The following GALNS variants were observed in gnomAD, a reference collection of about 807,000 sequenced individuals.
GALNS encodes the protein N-acetylgalactosamine-6-sulfatase.
GALNS carries 65 observed loss-of-function variants against 65.9 expected under a neutral mutation model. The ratio of observed to expected loss-of-function variants is 0.99; its 90% confidence interval spans 0.81 to 1.21. The LOEUF (loss-of-function observed/expected upper bound fraction) is 1.21. Ranked by LOEUF, GALNS falls within the 50% of genes most tolerant of loss-of-function variation. GALNS has a pLI of 0.00. For missense variants in GALNS, 776 were observed against 700.7 expected (o/e 1.11, Z -1.21); for synonymous variants, 346 against 288.9 (o/e 1.20, Z -2.00).
In GALNS at chr16:88,817,128, C is replaced by T. The variant is rs532962873; in HGVS notation, c.1482+879G>A. On this transcript the variant is annotated intron_variant, in intron 13 of 13. Transcript: ENST00000268695. ...AGCTGTGCTGGGAAACAGGCCTTTGCGGCCACTGCACACGCGGGATGGCTG... is the reference window on the plus strand; with the variant it reads ...AGCTGTGCTGGGAAACAGGCCTTTGTGGCCACTGCACACGCGGGATGGCTG... 6.7e-5 allele frequency: 66 copies of T among 985,472 alleles called. No individual in the cohort carries two copies. In the African/African-American group the frequency reaches 1.1e-3, roughly 16 times the overall value. The allele number at this position is 985,472 out of a possible 1,614,324, so 61.0% of individuals were successfully genotyped here.
chr16:88,835,887 G>A (rs754816509), intron 6 of GALNS, 38 bp from the exon 7 acceptor site: 1 of 1,613,100 alleles, frequency 6.2e-7, no homozygotes, highest in Admixed American at 1.7e-5. Context: ...CCAGCCTCAG[G>A]CCGACCTCCT....
chr16:88,849,327 C>T (rs1259430207), intron 1 of GALNS, among the ~76,000 whole-genome samples: 1 of 152,116 alleles, frequency 6.6e-6, no homozygotes, highest in East Asian at 1.9e-4. Flanking sequence ...CTCTGTCACC[C>T]AGGTTGGAGT....
Position 88,856,911 on chromosome 16 carries a change from G to A in GALNS, c.-34C>T, listed in dbSNP as rs1362484063. On this transcript the variant is annotated 5_prime_UTR_variant, in exon 1 of 14. Transcript: ENST00000268695. ...CGGGAGCCGCGGAGCCCCGGCCAGCGAGCCGACCTAGCGAGCGTCCGCCGG... is the reference window on the plus strand; with the variant it reads ...CGGGAGCCGCGGAGCCCCGGCCAGCAAGCCGACCTAGCGAGCGTCCGCCGG... The A allele has an allele frequency of 6.7e-7, 1 of 1,496,658 alleles. No homozygotes were observed. Among genetic ancestry groups the A allele is most frequent in the Non-Finnish European group, 8.8e-7 (1 of 1,131,414 alleles). The allele number at this position is 1,496,658 out of a possible 1,614,324, so 92.7% of individuals were successfully genotyped here. A position where few individuals can be genotyped will look rare whatever the true frequency, so the allele number is the denominator to read the frequency against.
rs920945705 is a variant in GALNS at position 88,815,892 on chromosome 16, C to T, written c.1483-1367G>A. On this transcript the variant is annotated intron_variant, in intron 13 of 13. Transcript: ENST00000268695. ...TCTGCATTTCTCAAAGGCCGCTCAG[C>T]TGTCCCAGAAGCAGGGGTCCAGGTG... The T allele has an allele frequency of 4.1e-6, 4 of 985,288 alleles. No individual in the cohort carries two copies. The African/African-American group carries it at 7.0e-5, about 17-fold the overall frequency. The allele number at this position is 985,288 out of a possible 1,614,324, so 61.0% of individuals were successfully genotyped here. A position where few individuals can be genotyped will look rare whatever the true frequency, so the allele number is the denominator to read the frequency against.
At chr16:88,817,427 A>T (rs1291000717) in intron 13 of GALNS, 2 of 985,278 alleles carry the variant, frequency 2.0e-6, no homozygotes, top group Non-Finnish European at 2.4e-6. Context: ...CCTATGAGTG[A>T]GATCAGGTCT....
At chr16:88,856,289 G>A in intron 1 of GALNS, 1 of 702,994 alleles carries the variant, frequency 1.4e-6, no homozygotes. Flanking sequence ...GCCCGAGGTG[G>A]CGGGAGTGAT....
chr16:88,849,102 T>A (rs1367724297), intron 1 of GALNS, among the ~76,000 whole-genome samples: 1 of 152,146 alleles, frequency 6.6e-6, no homozygotes, highest in Non-Finnish European at 1.5e-5. Context: ...CCTTTTAGCT[T>A]TGGATCCCTT....
rs80349178 is a variant in GALNS at position 88,854,366 on chromosome 16, G to A, written c.120+2392C>T. Among the ~76,000 whole-genome samples, 1,174 of 152,340 alleles carry A rather than the reference G, an allele frequency of 7.7e-3. 5 individuals are homozygous for A. The highest frequency in any genetic ancestry group is 0.012 in the East Asian group (64 of 5,190). On this transcript the variant is annotated intron_variant, in intron 1 of 13. Transcript: ENST00000268695. ...CTGTGAGGACCCCCTTGCACCCTGG[G>A]CCACGTCAGGGCACCTCGGGGCTCC...
intron 1 of GALNS, chr16:88,843,583 C>G (rs553525204): frequency 9.1e-6 from 2 of 218,588 alleles, no homozygotes; most frequent in African/African-American, 4.5e-5. Context: ...CTTAGAGACG[C>G]AGACATGCAG....
At chr16:88,816,643 T>C (rs541607091) in intron 13 of GALNS, 2 of 984,588 alleles carry the variant, frequency 2.0e-6, no homozygotes, top group East Asian at 2.3e-4. Flanking sequence ...TGCTGGTAGG[T>C]GCTCCCGATG....
intron 9 of GALNS, among the ~76,000 whole-genome samples, chr16:88,830,126 G>A (rs111631576): frequency 0.044 from 6,610 of 151,768 alleles, 506 homozygotes; most frequent in African/African-American, 0.15. Context: ...AGCTACTCGG[G>A]AGGCTGAGGC....
rs1909376020 is a variant in GALNS, at chr16:88,814,033, C to G, written c.*406G>C. ...ATACACATACTGATCTTGTGTCTCC[C>G]TAAGATGTATAAAGGCAAACTGTAT... On this transcript the variant is annotated 3_prime_UTR_variant, in exon 14 of 14. Transcript: ENST00000268695. 5.8e-6 allele frequency: 2 copies of G among 342,120 alleles called. No homozygotes were observed. Among genetic ancestry groups the G allele is most frequent in the Non-Finnish European group, 1.1e-5 (2 of 175,022 alleles). The allele number at this position is 342,120 out of a possible 1,614,324, so 21.2% of individuals were successfully genotyped here. A position where few individuals can be genotyped will look rare whatever the true frequency, so the allele number is the denominator to read the frequency against.
At chr16:88,825,408 C>A in intron 10 of GALNS, among the ~76,000 whole-genome samples, 1 of 138,200 alleles carries the variant, frequency 7.2e-6, no homozygotes, top group East Asian at 2.3e-4. Context: ...GCTGGGGTGA[C>A]TGGGTGTCTG....
intron 10 of GALNS, among the ~76,000 whole-genome samples, chr16:88,825,546 G>A (rs1910787360): frequency 1.2e-5 from 1 of 84,264 alleles, no homozygotes; most frequent in Non-Finnish European, 3.0e-5. Context: ...GGGCTGGGGT[G>A]CCTGGGTGTC....
At chr16:88,815,241 G>T in intron 13 of GALNS, 1 of 985,474 alleles carries the variant, frequency 1.0e-6, no homozygotes, top group Non-Finnish European at 1.2e-6. Flanking sequence ...GAGGTCCCGG[G>T]TATGGGGGAT....
chr16:88,842,803 A>G lies in GALNS; in HGVS notation c.147T>C (p.Tyr49=), dbSNP rs916705666. The change falls in exon 2 of 14, where the codon TAT becomes TAC. Residue 49 remains tyrosine, a synonymous_variant. Coordinates refer to ENST00000268695, the MANE Select transcript of GALNS (RefSeq NM_000512.5). ...DDMGWGDLGV[Y]GEPSRETPNL... The stretch of plus-strand genomic sequence containing the variant: ...TCGGGGTCTCTCTGGAGGGCTCTCC[A>G]TACACCCCGAGGTCACCCCATCCCA... 1.9e-6 allele frequency: 3 copies of G among 1,613,334 alleles called. No individual in the cohort carries two copies. The highest frequency in any genetic ancestry group is 2.5e-6 in the Non-Finnish European group (3 of 1,179,984).
At chr16:88,855,428 G>A (rs1287313460) in intron 1 of GALNS, 2 of 702,842 alleles carry the variant, frequency 2.8e-6, no homozygotes, top group Middle Eastern at 2.3e-4. Context: ...AGTATCTTTA[G>A]GAGGGAGATG....
intron 12 of GALNS, among the ~76,000 whole-genome samples, chr16:88,818,822 C>T (rs907370321): frequency 6.6e-6 from 1 of 152,232 alleles, no homozygotes. Context: ...GCCATCGCTG[C>T]CATAGCGGAG....
intron 1 of GALNS, chr16:88,843,229 G>A (rs1031620173): frequency 8.0e-5 from 104 of 1,303,232 alleles, no homozygotes; most frequent in Non-Finnish European, 1.0e-4. Flanking sequence ...ACAGGCCCTC[G>A]TATGTCTGTA....
Sources: allele counts gnomAD v4.1 joint callset (sites outside exome capture counted in the v4.1 genomes callset), GRCh38; gene constraint gnomAD v4.1.1; transcripts MANE v1.5; gene names NCBI Gene and HGNC (gene_info 2026-07-23, HGNC 2026-07-21).